CTNNA3: variants seen among roughly 807,000 people sequenced by gnomAD.
CTNNA3 encodes catenin alpha-3.
Under a neutral mutation model 95.7 loss-of-function variants are expected in CTNNA3, and 76 were observed. That is an observed-to-expected ratio of 0.79 (90% CI 0.66 to 0.96). The LOEUF (loss-of-function observed/expected upper bound fraction) is 0.96, where lower values mean the gene tolerates loss of function less well. Ranked by LOEUF, CTNNA3 falls within the 40% of genes least tolerant of loss-of-function variation. The pLI is 0.00. For missense variants in CTNNA3, 1,191 were observed against 1,089.8 expected (o/e 1.09, Z -1.31); for synonymous variants, 431 against 374.4 (o/e 1.15, Z -1.74).
chr10:67,727,200 T>G (rs1270737428), intron 1 of CTNNA3, among the ~76,000 whole-genome samples: 1 of 128,376 alleles, frequency 7.8e-6, no homozygotes, highest in African/African-American at 2.9e-5. Context: ...TATGTGTATA[T>G]ATACCTATAT....
intron 7 of CTNNA3, among the ~76,000 whole-genome samples, chr10:66,891,853 T>C (rs1338148524): frequency 6.6e-6 from 1 of 152,150 alleles, no homozygotes; most frequent in Non-Finnish European, 1.5e-5. Flanking sequence ...AATCTCTTAA[T>C]GCCTATTTTC....
chr10:65,930,487 A>G (rs1167985937), intron 17 of CTNNA3, among the ~76,000 whole-genome samples: 1 of 152,172 alleles, frequency 6.6e-6, no homozygotes, highest in Non-Finnish European at 1.5e-5. Context: ...TAAGTAGTCA[A>G]AACATCTTGA....
intron 7 of CTNNA3, among the ~76,000 whole-genome samples, chr10:67,081,630 T>G (rs981566980): frequency 6.6e-6 from 1 of 152,234 alleles, no homozygotes; most frequent in Admixed American, 6.5e-5. Flanking sequence ...TATTCTCATA[T>G]GTATACCTGT....
At chr10:67,033,735 TTC>T (rs1321723700) in intron 7 of CTNNA3, among the ~76,000 whole-genome samples, 1 of 152,160 alleles carries the variant, frequency 6.6e-6, no homozygotes, top group Non-Finnish European at 1.5e-5. Flanking sequence ...AGTAGCCCAC[TTC>T]TAGAATCTGC....
At chr10:66,860,024 G>C (rs1253865598) in intron 7 of CTNNA3, among the ~76,000 whole-genome samples, 2 of 103,486 alleles carry the variant, frequency 1.9e-5, no homozygotes, top group Non-Finnish European at 3.8e-5. Context: ...TGTGGGGTGG[G>C]GGGAGGGGGG....
chr10:67,454,545 T>C (rs1847102647), intron 5 of CTNNA3, among the ~76,000 whole-genome samples: 1 of 152,102 alleles, frequency 6.6e-6, no homozygotes, highest in South Asian at 2.1e-4. Flanking sequence ...TGAAGCATTG[T>C]TGTATAGTGG....
intron 7 of CTNNA3, among the ~76,000 whole-genome samples, chr10:66,996,053 A>G (rs2132956002): frequency 6.6e-6 from 1 of 152,276 alleles, no homozygotes; most frequent in Middle Eastern, 3.4e-3. Context: ...CTACTTATTT[A>G]CATATTTTGT....
At chr10:66,809,781 T>C (rs1251876093) in intron 7 of CTNNA3, among the ~76,000 whole-genome samples, 1 of 151,520 alleles carries the variant, frequency 6.6e-6, no homozygotes, top group Non-Finnish European at 1.5e-5. Context: ...ATTTAATTTA[T>C]GTTTTTACCT....
intron 1 of CTNNA3, among the ~76,000 whole-genome samples, chr10:67,660,481 A>C (rs1840147126): frequency 6.6e-6 from 1 of 152,174 alleles, no homozygotes; most frequent in Non-Finnish European, 1.5e-5. Flanking sequence ...ACAGCAAAAA[A>C]AGAAAAGATG....
chr10:66,862,650 G>A, intron 7 of CTNNA3, among the ~76,000 whole-genome samples: 1 of 152,166 alleles, frequency 6.6e-6, no homozygotes, highest in East Asian at 1.9e-4. Flanking sequence ...AGAATTACTG[G>A]AGCAGAAAAG....
At chr10:67,022,349 C>CTG (rs1472419204) in intron 7 of CTNNA3, among the ~76,000 whole-genome samples, 1 of 151,408 alleles carries the variant, frequency 6.6e-6, no homozygotes, top group Non-Finnish European at 1.5e-5. Flanking sequence ...GTGTGTGTGT[C>CTG]TGTGTGTGTG....
chr10:66,233,856 A>G (rs1599668), intron 13 of CTNNA3, among the ~76,000 whole-genome samples: 54,900 of 152,066 alleles, frequency 0.36, 10,268 homozygotes, highest in East Asian at 0.46. Context: ...CATGTATAAG[A>G]ATGTTCATAG....
intron 5 of CTNNA3, among the ~76,000 whole-genome samples, chr10:67,490,041 G>T (rs368394339): frequency 4.6e-5 from 7 of 152,158 alleles, no homozygotes; most frequent in African/African-American, 1.7e-4. Context: ...TTATTCTCAT[G>T]TATTTTCCCA....
rs916301663 is a variant in CTNNA3 at position 67,450,265 on chromosome 10, C to T, written c.579+71577G>A. Among the ~76,000 whole-genome samples, 14 of 152,132 alleles carry T rather than the reference C, an allele frequency of 9.2e-5. 1 individual carries two copies. The highest frequency in any genetic ancestry group is 4.6e-4 in the Admixed American group (7 of 15,254). The stretch of plus-strand genomic sequence containing the variant: ...ATTCCTCAAAGACCTAAAAACAGAA[C>T]TACCATTTGACCCAGCAATCCCATT... On this transcript the variant is annotated intron_variant, in intron 5 of 17. Coordinates refer to ENST00000433211, the MANE Select transcript of CTNNA3 (RefSeq NM_013266.4).
intron 14 of CTNNA3, among the ~76,000 whole-genome samples, chr10:66,076,035 T>C (rs1157727644): frequency 1.3e-5 from 2 of 151,574 alleles, no homozygotes; most frequent in Non-Finnish European, 3.0e-5. Context: ...TTCATATCAC[T>C]CATATGAATG....
chr10:66,183,033 G>A (rs572566164), intron 13 of CTNNA3, among the ~76,000 whole-genome samples: 3 of 152,194 alleles, frequency 2.0e-5, no homozygotes, highest in Admixed American at 6.5e-5. Context: ...ACATTTCCTC[G>A]GAGAGGAGGG....
chr10:67,071,201 A>G (rs1856430491), intron 7 of CTNNA3, among the ~76,000 whole-genome samples: 1 of 152,134 alleles, frequency 6.6e-6, no homozygotes. Context: ...GCATTCTTCA[A>G]TCACTCAGAT....
intron 5 of CTNNA3, among the ~76,000 whole-genome samples, chr10:67,500,152 A>G (rs1237640178): frequency 1.3e-5 from 2 of 152,140 alleles, no homozygotes; most frequent in African/African-American, 2.4e-5. Flanking sequence ...CATTGGTTTC[A>G]AAGAATTTAT....
chr10:66,310,291 G>GAGAT (rs1424410824), intron 12 of CTNNA3, among the ~76,000 whole-genome samples: 1 of 151,940 alleles, frequency 6.6e-6, no homozygotes, highest in Admixed American at 6.6e-5. Flanking sequence ...TTTTGACATA[G>GAGAT]AGATATTCGT....
Sources: allele counts gnomAD v4.1 joint callset (sites outside exome capture counted in the v4.1 genomes callset), GRCh38; gene constraint gnomAD v4.1.1; transcripts MANE v1.5; gene names NCBI Gene and HGNC (gene_info 2026-07-23, HGNC 2026-07-21).